Variants in SRSF8 observed in about 807,000 individuals in gnomAD.
The protein encoded by SRSF8 is serine/arginine-rich splicing factor 8.
A neutral mutation model predicts 2.0 loss-of-function variants in SRSF8; 3 were observed. That is an observed-to-expected ratio of 1.47 (90% CI 0.67 to 3.79). The LOEUF (loss-of-function observed/expected upper bound fraction) is 3.79. Among genes scored for constraint, SRSF8 ranks in the 30% most tolerant of loss-of-function variants. SRSF8 has a pLI of 0.02. For missense variants in SRSF8, 408 were observed against 410.9 expected (o/e 0.99, Z 0.06); for synonymous variants, 162 against 170.7 (o/e 0.95, Z 0.40).
rs1858680985 is a variant in SRSF8 at position 95,068,003 on chromosome 11, G to A, written c.777G>A (p.Arg259=). ...GGAGTCCTCCCCGGGTATCCAAGAGGAAATCCAAGTCAAGGTCGCGATCCA... is the reference window on the plus strand; with the variant it reads ...GGAGTCCTCCCCGGGTATCCAAGAGAAAATCCAAGTCAAGGTCGCGATCCA... The part of the protein sequence containing the change: ...MTRSPPRVSK[R]KSKSRSRSKR... Residue 259 remains arginine (R), a synonymous_variant, in exon 1 of 1, where the codon AGG becomes AGA. Coordinates refer to ENST00000587424, the MANE Select transcript of SRSF8 (RefSeq NM_032102.4). 1.2e-6 allele frequency: 2 copies of A among 1,613,830 alleles called. No homozygotes were observed. Among genetic ancestry groups the A allele is most frequent in the Admixed American group, 1.7e-5 (1 of 59,994 alleles).
chr11:95,067,691 T>G lies in SRSF8; in HGVS notation c.465T>G (p.Tyr155Ter). 1 of 1,613,912 alleles carries G rather than the reference T, an allele frequency of 6.2e-7. No homozygotes were observed. The highest frequency in any genetic ancestry group is 8.5e-7 in the Non-Finnish European group (1 of 1,179,870). Residue 155 changes from tyrosine to a stop codon, truncating the protein, a stop_gained, in exon 1 of 1, where the codon TAT (tyrosine) becomes TAG (stop). Coordinates refer to ENST00000587424, the MANE Select transcript of SRSF8 (RefSeq NM_032102.4). LOFTEE classifies it low-confidence loss of function (END_TRUNC). ...GATCTCGCTATAGGGGTTCTCGCTATAGCCGGTCTCCCTACAGCCGATCTC... is the reference window on the plus strand; with the variant it reads ...GATCTCGCTATAGGGGTTCTCGCTAGAGCCGGTCTCCCTACAGCCGATCTC... ...RSRSRYRGSR[Y>*]SRSPYSRSPY...
At position 95,068,189 on chromosome 11, in the gene SRSF8, G is replaced by A. The variant is rs797024339; in HGVS notation, c.*114G>A. On this transcript the variant is annotated 3_prime_UTR_variant, in exon 1 of 1. Transcript: ENST00000587424. ...AGAGGCTGCCTATTGAAAAGGTTGT[G>A]TCACACTTTTCTACCTTTTTGCCAG... is the stretch of plus-strand genomic sequence containing the variant. 4.5e-6 allele frequency: 5 copies of A among 1,100,910 alleles called. No homozygotes were observed. In the African/African-American group the frequency reaches 4.8e-5, roughly 10 times the overall value. 68.2% of individuals were successfully genotyped at this position (1,100,910 alleles called of 1,614,324 possible).
In SRSF8 at chr11:95,067,117, G is replaced by C. The variant is rs1239897965; in HGVS notation, c.-110G>C. The C allele has an allele frequency of 5.3e-6, 6 of 1,125,828 alleles. No homozygotes were observed. The highest frequency in any genetic ancestry group is 4.0e-5 in the Admixed American group (1 of 25,244). 69.7% of individuals were successfully genotyped at this position (1,125,828 alleles called of 1,614,324 possible). On this transcript the variant is annotated 5_prime_UTR_variant, in exon 1 of 1. Coordinates refer to ENST00000587424, the MANE Select transcript of SRSF8 (RefSeq NM_032102.4). ...AGCTCCGCCGCCCGCCTCTCCGCCC[G>C]GCCTTTCCCGGCGTCCCCACGCGGG...
At position 95,067,175 on chromosome 11, in the gene SRSF8, C is replaced by T. The variant is rs1858656330; in HGVS notation, c.-52C>T. 1 of 1,350,242 alleles carries T rather than the reference C, an allele frequency of 7.4e-7. No individual in the cohort carries two copies. Among genetic ancestry groups the T allele is most frequent in the Non-Finnish European group, 9.6e-7 (1 of 1,041,336 alleles). 83.6% of individuals were successfully genotyped at this position (1,350,242 alleles called of 1,614,324 possible). On this transcript the variant is annotated 5_prime_UTR_variant, in exon 1 of 1. Transcript: ENST00000587424. ...CGCGAGAAAGAAACGCAGGTCGCAC[C>T]GTCAGCGCCCAGAGCAGCGCCAGTT...
In SRSF8 at chr11:95,069,636, A is replaced by G. The variant is rs1044232629; in HGVS notation, c.*1561A>G. ...AGGTGGCTGTGGTCTGTAGATATAC[A>G]TCCCACATTTTGTTGTTATAACAGT... is the stretch of plus-strand genomic sequence containing the variant. On this transcript the variant is annotated 3_prime_UTR_variant, in exon 1 of 1. Coordinates refer to ENST00000587424, the MANE Select transcript of SRSF8 (RefSeq NM_032102.4). The G allele has an allele frequency of 6.0e-6, 1 of 167,110 alleles. No individual in the cohort carries two copies. The highest frequency in any genetic ancestry group is 2.4e-5 in the African/African-American group (1 of 41,464). The allele number at this position is 167,110 out of a possible 1,614,324, so 10.4% of individuals were successfully genotyped here.
Position 95,069,005 on chromosome 11 carries a change from T to C in SRSF8, c.*930T>C, listed in dbSNP as rs974254611. The C allele has an allele frequency of 1.2e-5, 2 of 166,890 alleles. No homozygotes were observed. Among genetic ancestry groups the C allele is most frequent in the Admixed American group, 1.3e-4 (2 of 15,296 alleles). The allele number at this position is 166,890 out of a possible 1,614,324, so 10.3% of individuals were successfully genotyped here. On this transcript the variant is annotated 3_prime_UTR_variant, in exon 1 of 1. Transcript: ENST00000587424. The stretch of plus-strand genomic sequence containing the variant: ...ATAGTTTATAAGTTTGTTAAGTACT[T>C]ATAACATGGTTTATCTTTTTGATTA...
Position 95,067,447 on chromosome 11 carries a change from C to T in SRSF8, c.221C>T (p.Ala74Val), listed in dbSNP as rs781974296. The T allele has an allele frequency of 6.5e-7, 1 of 1,544,352 alleles. No homozygotes were observed. The highest frequency in any genetic ancestry group is 1.4e-5 in the African/African-American group (1 of 70,936). The change falls in exon 1 of 1, where the codon GCC (alanine) becomes GTC (valine). Residue 74 changes from alanine (A) to valine (V), a missense_variant. Transcript: ENST00000587424. ...DRRDAQDAEA[A>V]MDGAELDGRE... Reference sequence around the variant, plus strand: ...CGCGACGCCCAAGACGCCGAGGCCGCCATGGACGGGGCGGAGCTGGACGGA... The same window carrying T: ...CGCGACGCCCAAGACGCCGAGGCCGTCATGGACGGGGCGGAGCTGGACGGA...
Position 95,068,782 on chromosome 11 carries a change from C to G in SRSF8, c.*707C>G, listed in dbSNP as rs1251967027. On this transcript the variant is annotated 3_prime_UTR_variant, in exon 1 of 1. Coordinates refer to ENST00000587424, the MANE Select transcript of SRSF8 (RefSeq NM_032102.4). Reference sequence around the variant, plus strand: ...GGAAAACACGCCTTGTCCTGAAGAACAAATGGCTGTCCAGTTTATTAAAAT... The same window carrying G: ...GGAAAACACGCCTTGTCCTGAAGAAGAAATGGCTGTCCAGTTTATTAAAAT... 6.0e-6 allele frequency: 1 copy of G among 167,220 alleles called. No individual in the cohort carries two copies. Among genetic ancestry groups the G allele is most frequent in the African/African-American group, 2.4e-5 (1 of 41,440 alleles). The allele number at this position is 167,220 out of a possible 1,614,324, so 10.4% of individuals were successfully genotyped here. A position where few individuals can be genotyped will look rare whatever the true frequency, so the allele number is the denominator to read the frequency against.
Position 95,070,367 on chromosome 11 carries a change from T to TGAAAAAAAAAAAAAAAAAAA in SRSF8, c.*2292_*2293insGAAAAAAAAAAAAAAAAAAA, listed in dbSNP as rs1858718423. 1 of 1,826 alleles carries TGAAAAAAAAAAAAAAAAAAA rather than the reference T, an allele frequency of 5.5e-4. No individual in the cohort carries two copies. Among genetic ancestry groups the TGAAAAAAAAAAAAAAAAAAA allele is most frequent in the Non-Finnish European group, 1.4e-3 (1 of 730 alleles). The allele number at this position is 1,826 out of a possible 1,614,324, so 0.1% of individuals were successfully genotyped here. A position where few individuals can be genotyped will look rare whatever the true frequency, so the allele number is the denominator to read the frequency against. On this transcript the variant is annotated 3_prime_UTR_variant, in exon 1 of 1. Transcript: ENST00000587424. ...GGGGCAACAAGAGCAAAACTTCATCTCAAAAAAAAAAAAAAAAGAAAAAGG... is the reference window on the plus strand; with the variant it reads ...GGGGCAACAAGAGCAAAACTTCATCTGAAAAAAAAAAAAAAAAAAACAAAAAAAAAAAAAAAAGAAAAAGG...
rs1166184007 is a variant in SRSF8, at chr11:95,067,600, GCCGCAGCCCCAGGCGGCGACA to G, written c.383_403del (p.Pro128_Ser134del). On this transcript the variant is annotated inframe_deletion, in exon 1 of 1. Transcript: ENST00000587424. The stretch of plus-strand genomic sequence containing the variant: ...CGGAGCCGCAGCTACGGGCGGCGGA[GCCGCAGCCCCAGGCGGCGACA>G]CCGCAGCCGATCCCGGGGTCCCAGC... The G allele has an allele frequency of 1.5e-5, 23 of 1,534,558 alleles. No individual in the cohort carries two copies. Among genetic ancestry groups the G allele is most frequent in the Middle Eastern group, 1.8e-4 (1 of 5,554 alleles).
In SRSF8 at chr11:95,067,738, G is replaced by T. The variant is rs1858674526; in HGVS notation, c.512G>T (p.Ser171Ile). The T allele has an allele frequency of 6.2e-7, 1 of 1,613,908 alleles. No homozygotes were observed. Among genetic ancestry groups the T allele is most frequent in the Admixed American group, 1.7e-5 (1 of 60,010 alleles). The change falls in exon 1 of 1, where the codon AGC (serine) becomes ATC (isoleucine). Residue 171 changes from serine to isoleucine, a missense_variant. Transcript: ENST00000587424. ...SRSPYSRSRY[S>I]RSPYSRSRYR... ...TCTCCTTACAGCCGGTCGCGCTACA[G>T]CCGCTCTCCCTACAGCAGATCTCGC...
At position 95,070,373 on chromosome 11, in the gene SRSF8, A is replaced by AAAAAAAAAAAAAAAAAAAG. The variant is rs1858719630; in HGVS notation, c.*2309_*2310insAAAAAAAGAAAAAAAAAAA. The AAAAAAAAAAAAAAAAAAAG allele has an allele frequency of 1.9e-5, 3 of 157,096 alleles. No individual in the cohort carries two copies. Among genetic ancestry groups the AAAAAAAAAAAAAAAAAAAG allele is most frequent in the Non-Finnish European group, 4.4e-5 (3 of 67,892 alleles). 9.7% of individuals were successfully genotyped at this position (157,096 alleles called of 1,614,324 possible). On this transcript the variant is annotated 3_prime_UTR_variant, in exon 1 of 1. Coordinates refer to ENST00000587424, the MANE Select transcript of SRSF8 (RefSeq NM_032102.4). ...ACAAGAGCAAAACTTCATCTCAAAA[A>AAAAAAAAAAAAAAAAAAAG]AAAAAAAAAAAGAAAAAGGAAAAAA...
At position 95,067,741 on chromosome 11, in the gene SRSF8, G is replaced by C; in HGVS notation, c.515G>C (p.Arg172Pro). Residue 172 changes from arginine (R) to proline (P), a missense_variant, in exon 1 of 1, where the codon CGC (arginine) becomes CCC (proline). Arg to Pro is a moderately radical substitution (Grantham distance 103). Coordinates refer to ENST00000587424, the MANE Select transcript of SRSF8 (RefSeq NM_032102.4). Reference sequence around the variant, plus strand: ...CCTTACAGCCGGTCGCGCTACAGCCGCTCTCCCTACAGCAGATCTCGCTAC... The same window carrying C: ...CCTTACAGCCGGTCGCGCTACAGCCCCTCTCCCTACAGCAGATCTCGCTAC... ...RSPYSRSRYS[R>P]SPYSRSRYRE... The C allele has an allele frequency of 6.2e-7, 1 of 1,613,990 alleles. No homozygotes were observed. Among genetic ancestry groups the C allele is most frequent in the Non-Finnish European group, 8.5e-7 (1 of 1,179,894 alleles).
Position 95,067,371 on chromosome 11 carries a change from C to G in SRSF8, c.145C>G (p.Pro49Ala), listed in dbSNP as rs1555106984. The G allele has an allele frequency of 6.3e-7, 1 of 1,599,758 alleles. No homozygotes were observed. Among genetic ancestry groups the G allele is most frequent in the African/African-American group, 1.4e-5 (1 of 73,172 alleles). Residue 49 changes from proline (P) to alanine (A), a missense_variant, in exon 1 of 1, where the codon CCC becomes GCC. Physicochemically the swap from Pro to Ala is conservative, Grantham distance 27. Around this residue, in one of 2 missense-constraint regions of SRSF8, gnomAD observed 62 missense variants for 94.4 expected, o/e 0.66. Transcript: ENST00000587424. The part of the protein sequence containing the change: ...RVGDVYIPRE[P>A]HTKAPRGFAF... ...GGGCGACGTGTACATCCCGCGGGAG[C>G]CCCACACCAAGGCGCCCCGGGGCTT...
In SRSF8 at chr11:95,067,762, G is replaced by A. The variant is rs1565436937; in HGVS notation, c.536G>A (p.Arg179His). 2.5e-6 allele frequency: 4 copies of A among 1,613,886 alleles called. No homozygotes were observed. Among genetic ancestry groups the A allele is most frequent in the South Asian group, 2.2e-5 (2 of 91,084 alleles). The change falls in exon 1 of 1, where the codon CGC (arginine) becomes CAC (histidine). Residue 179 changes from arginine (R) to histidine (H), a missense_variant. This residue lies in a region of SRSF8 where 346 missense variants were observed against 316.5 expected (regional missense o/e 1.09). Coordinates refer to ENST00000587424, the MANE Select transcript of SRSF8 (RefSeq NM_032102.4). The part of the protein sequence containing the change: ...RYSRSPYSRS[R>H]YRESRYGGSH... ...AGCCGCTCTCCCTACAGCAGATCTC[G>A]CTACAGGGAATCTCGCTACGGCGGA... is the stretch of plus-strand genomic sequence containing the variant.
Position 95,067,320 on chromosome 11 carries a change from C to T in SRSF8, c.94C>T (p.Arg32Cys), listed in dbSNP as rs782400894. Residue 32 changes from arginine to cysteine, a missense_variant, in exon 1 of 1, where the codon CGC becomes TGC. Physicochemically the swap from Arg to Cys is radical, Grantham distance 180. Coordinates refer to ENST00000587424, the MANE Select transcript of SRSF8 (RefSeq NM_032102.4). The stretch of plus-strand genomic sequence containing the variant: ...CCGCACCTCTCCCGACAGCTTGAGG[C>T]GCGTGTTCGAGAAGTACGGGCGCGT... ...TYRTSPDSLR[R>C]VFEKYGRVGD... is the part of the protein sequence containing the mutation. 23 of 1,603,500 alleles carry T rather than the reference C, an allele frequency of 1.4e-5. No individual in the cohort carries two copies. In the South Asian group the frequency reaches 2.2e-4, roughly 16 times the overall value.
rs372405763 is a variant in SRSF8, at chr11:95,070,717, G to A, written c.*2642G>A. On this transcript the variant is annotated 3_prime_UTR_variant, in exon 1 of 1. Transcript: ENST00000587424. ...CTATTGCAGTAATCCAGAAAGAAAG[G>A]TGACAATGGCTTAGACTTCAGTGGT... 26 of 167,264 alleles carry A rather than the reference G, an allele frequency of 1.6e-4. No homozygotes were observed. Among genetic ancestry groups the A allele is most frequent in the African/African-American group, 6.3e-4 (26 of 41,570 alleles). The allele number at this position is 167,264 out of a possible 1,614,324, so 10.4% of individuals were successfully genotyped here.
chr11:95,069,278 G>C lies in SRSF8; in HGVS notation c.*1203G>C, dbSNP rs1475722620. 1 of 166,676 alleles carries C rather than the reference G, an allele frequency of 6.0e-6. No individual in the cohort carries two copies. 10.3% of individuals were successfully genotyped at this position (166,676 alleles called of 1,614,324 possible). A position where few individuals can be genotyped will look rare whatever the true frequency, so the allele number is the denominator to read the frequency against. ...TTTATCACAATGCAGTTTATTTGTA[G>C]TTTCTCTCTTTTTTCCTCACACCTA... On this transcript the variant is annotated 3_prime_UTR_variant, in exon 1 of 1. Coordinates refer to ENST00000587424, the MANE Select transcript of SRSF8 (RefSeq NM_032102.4).
At position 95,069,875 on chromosome 11, in the gene SRSF8, G is replaced by C. The variant is rs571497501; in HGVS notation, c.*1800G>C. The C allele has an allele frequency of 6.0e-6, 1 of 167,126 alleles. No individual in the cohort carries two copies. Among genetic ancestry groups the C allele is most frequent in the Non-Finnish European group, 1.5e-5 (1 of 68,162 alleles). 10.4% of individuals were successfully genotyped at this position (167,126 alleles called of 1,614,324 possible). A position where few individuals can be genotyped will look rare whatever the true frequency, so the allele number is the denominator to read the frequency against. On this transcript the variant is annotated 3_prime_UTR_variant, in exon 1 of 1. Transcript: ENST00000587424. Reference sequence around the variant, plus strand: ...CGTCCAGCAGGTGGCGAAGGGAGGTGAGGTATATTTATTAAATGGGACCGA... The same window carrying C: ...CGTCCAGCAGGTGGCGAAGGGAGGTCAGGTATATTTATTAAATGGGACCGA...
Sources: gnomAD v4.1 joint callset for allele counts on GRCh38, gnomAD v4.1.1 for gene constraint, gnomAD v4.1.1 regional missense constraint, MANE v1.5 for transcripts, NCBI Gene and HGNC (gene_info 2026-07-23, HGNC 2026-07-21) for gene names.